Variants in DES observed in about 807,000 individuals in gnomAD.
DES encodes cardiomyopathy, dilated 1F (autosomal dominant).
DES carries 34 observed loss-of-function variants against 55.1 expected under a neutral mutation model. The ratio of observed to expected loss-of-function variants is 0.62; its 90% CI spans 0.47 to 0.82. The LOEUF is 0.82. Ranked by LOEUF, DES falls within the 40% of genes least tolerant of loss-of-function variation. DES has a pLI of 0.00. For synonymous variants in DES, 259 were observed against 270.8 expected, an observed-to-expected ratio of 0.96 and a Z score of 0.43; for missense variants, 596 against 645.9, an observed-to-expected ratio of 0.92 and a Z score of 0.84.
chr2:219,418,906 G>C lies in DES; in HGVS notation c.444G>C (p.Pro148=), dbSNP rs767505861. The C allele has an allele frequency of 1.9e-6, 3 of 1,563,604 alleles. No individual in the cohort carries two copies. The highest frequency in any genetic ancestry group is 2.4e-5 in the East Asian group (1 of 42,282). ...AEVNRLKGRE[P]TRVAELYEEE... is the part of the protein sequence containing the mutation. ...TGAACCGGCTCAAGGGCCGCGAGCC[G>C]ACGCGAGTGGCCGAGCTCTACGAGG... is the stretch of plus-strand genomic sequence containing the variant. The change falls in exon 1 of 9, where the codon CCG becomes CCC. Residue 148 remains proline (P), a synonymous_variant. Coordinates refer to ENST00000373960, the MANE Select transcript of DES (RefSeq NM_001927.4).
At position 219,418,523 on chromosome 2, in the gene DES, G is replaced by GC; in HGVS notation, c.65dup (p.Phe24LeufsTer20). 2 of 1,603,760 alleles carry GC rather than the reference G, an allele frequency of 1.2e-6. No individual in the cohort carries two copies. Among genetic ancestry groups the GC allele is most frequent in the Non-Finnish European group, 1.7e-6 (2 of 1,176,592 alleles). Reference sequence around the variant, plus strand: ...CTCCTACCGCCGCACCTTCGGCGGGGCCCCGGGCTTCCCACTCGGCTCCCC... The same window carrying GC: ...CTCCTACCGCCGCACCTTCGGCGGGGCCCCCGGGCTTCCCACTCGGCTCCCC... On this transcript the variant is annotated frameshift_variant, in exon 1 of 9. Transcript: ENST00000373960. LOFTEE classifies it high-confidence loss of function.
Position 219,420,527 on chromosome 2 carries a change from A to G in DES, c.768A>G (p.Glu256=), listed in dbSNP as rs886044420. The G allele has an allele frequency of 1.2e-6, 2 of 1,613,902 alleles. No individual in the cohort carries two copies. The highest frequency in any genetic ancestry group is 3.3e-4 in the Middle Eastern group (2 of 6,062). The change falls in exon 4 of 9, where the codon GAA becomes GAG. Residue 256 remains glutamate, a synonymous_variant. Coordinates refer to ENST00000373960, the MANE Select transcript of DES (RefSeq NM_001927.4). This position sits in a 1 kb window ranked among gnomAD's most constrained non-coding sequence, Gnocchi z 6.0. ...EIRELQAQLQ[E]QQVQVEMDMS... ...GTGAGTTGCAGGCTCAGCTTCAGGA[A>G]CAGCAGGTCCAGGTGGAGATGGACA...
chr2:219,423,366 G>C (rs940604003), intron 6 of DES, among the ~76,000 whole-genome samples: 1 of 152,122 alleles, frequency 6.6e-6, no homozygotes, highest in African/African-American at 2.4e-5. Context: ...CGTGGGACTG[G>C]GACAGCTGAG....
rs750819338 is a variant in DES, at chr2:219,418,502, T to C, written c.40T>C (p.Tyr14His). The C allele has an allele frequency of 5.8e-5, 93 of 1,602,704 alleles. No homozygotes were observed. The highest frequency in any genetic ancestry group is 7.8e-5 in the Non-Finnish European group (92 of 1,176,980). Residue 14 changes from tyrosine (Y) to histidine (H), a missense_variant, in exon 1 of 9, where the codon TAC (tyrosine) becomes CAC (histidine). Tyr to His is a moderately conservative substitution (Grantham distance 83). Coordinates refer to ENST00000373960, the MANE Select transcript of DES (RefSeq NM_001927.4). ...CTCGTCCAGCCAGCGCGTGTCCTCC[T>C]ACCGCCGCACCTTCGGCGGGGCCCC... ...AYSSSQRVSSYRRTFGGAPGF... is the reference protein window; with the variant it reads ...AYSSSQRVSSHRRTFGGAPGF...
chr2:219,424,029 G>C (rs1331157310), intron 7 of DES, among the ~76,000 whole-genome samples: 8 of 152,350 alleles, frequency 5.3e-5, no homozygotes, highest in African/African-American at 1.9e-4. Flanking sequence ...AGCTTTTTAT[G>C]TGATTATATT....
chr2:219,418,479 C>A lies in DES; in HGVS notation c.17C>A (p.Ser6Ter), dbSNP rs1214936508. 2 of 1,598,490 alleles carry A rather than the reference C, an allele frequency of 1.3e-6. No homozygotes were observed. The highest frequency in any genetic ancestry group is 1.7e-6 in the Non-Finnish European group (2 of 1,177,012). Residue 6 changes from serine to a stop codon, truncating the protein, a stop_gained, in exon 1 of 9, where the codon TCG becomes TAG. Coordinates refer to ENST00000373960, the MANE Select transcript of DES (RefSeq NM_001927.4). LOFTEE classifies it high-confidence loss of function. ...GCCGTCACCATGAGCCAGGCCTACT[C>A]GTCCAGCCAGCGCGTGTCCTCCTAC... is the stretch of plus-strand genomic sequence containing the variant. MSQAY[S>*]SSQRVSSYRR...
In DES at chr2:219,420,319, C is replaced by G; in HGVS notation, c.708C>G (p.Ile236Met). Residue 236 changes from isoleucine (I) to methionine (M), a missense_variant, in exon 3 of 9, where the codon ATC becomes ATG. By Grantham distance (10) the Ile-to-Met change is conservative (BLOSUM62 1). Coordinates refer to ENST00000373960, the MANE Select transcript of DES (RefSeq NM_001927.4). This position sits in a 1 kb window ranked among gnomAD's most constrained non-coding sequence, Gnocchi z 6.0. The part of the protein sequence containing the change: ...ERRIESLNEE[I>M]AFLKKVHEEE... Reference sequence around the variant, plus strand: ...GAATTGAATCTCTCAACGAGGAGATCGCGTTCCTTAAGAAAGTGCATGAAG... The same window carrying G: ...GAATTGAATCTCTCAACGAGGAGATGGCGTTCCTTAAGAAAGTGCATGAAG... 3 of 1,614,124 alleles carry G rather than the reference C, an allele frequency of 1.9e-6. No homozygotes were observed. The highest frequency in any genetic ancestry group is 2.2e-5 in the South Asian group (2 of 91,084).
rs71040455 is a variant in DES at position 219,422,463 on chromosome 2, C to CTTTT, written c.1244+919_1244+922dup. ...GTGGGATAACAGAAATGTTCTATATCTTTTTTTTTTTTTTTTTTTGAGACA... is the reference window on the plus strand; with the variant it reads ...GTGGGATAACAGAAATGTTCTATATCTTTTTTTTTTTTTTTTTTTTTTTGAGACA... On this transcript the variant is annotated intron_variant, in intron 6 of 8. Coordinates refer to ENST00000373960, the MANE Select transcript of DES (RefSeq NM_001927.4). Among the ~76,000 whole-genome samples the CTTTT allele has an allele frequency of 7.2e-4, 74 of 103,488 alleles. 2 individuals carry two copies. Among genetic ancestry groups the CTTTT allele is most frequent in the Non-Finnish European group, 8.5e-4 (48 of 56,170 alleles). 67.9% of individuals were successfully genotyped at this position (103,488 alleles called of 152,430 possible).
Position 219,420,722 on chromosome 2 carries a change from G to A in DES, c.897+66G>A. 1 of 1,613,774 alleles carries A rather than the reference G, an allele frequency of 6.2e-7. No individual in the cohort carries two copies. The highest frequency in any genetic ancestry group is 8.5e-7 in the Non-Finnish European group (1 of 1,179,834). On this transcript the variant is annotated intron_variant, in intron 4 of 8. Coordinates refer to ENST00000373960, the MANE Select transcript of DES (RefSeq NM_001927.4). The surrounding 1 kb of genome is among the most constrained non-coding windows in gnomAD (Gnocchi z 6.0). ...GAATCCCAGCTTGGATGTGCTGCCT[G>A]TGGTACCATCCATGGGAGGAGAGCC...
At position 219,418,525 on chromosome 2, in the gene DES, C is replaced by T. The variant is rs201458068; in HGVS notation, c.63C>T (p.Ala21=). 4.9e-5 allele frequency: 78 copies of T among 1,603,586 alleles called. No homozygotes were observed. The highest frequency in any genetic ancestry group is 6.0e-5 in the Non-Finnish European group (71 of 1,176,514). ...VSSYRRTFGG[A]PGFPLGSPLS... The stretch of plus-strand genomic sequence containing the variant: ...CCTACCGCCGCACCTTCGGCGGGGC[C>T]CCGGGCTTCCCACTCGGCTCCCCGC... Residue 21 remains alanine (A), a synonymous_variant, in exon 1 of 9, where the codon GCC becomes GCT. Transcript: ENST00000373960.
chr2:219,426,046 T>C lies in DES; in HGVS notation c.*56T>C. The C allele has an allele frequency of 1.9e-6, 3 of 1,598,492 alleles. No individual in the cohort carries two copies. The highest frequency in any genetic ancestry group is 2.6e-6 in the Non-Finnish European group (3 of 1,166,986). On this transcript the variant is annotated 3_prime_UTR_variant, in exon 9 of 9. Coordinates refer to ENST00000373960, the MANE Select transcript of DES (RefSeq NM_001927.4). This position sits in a 1 kb window ranked among gnomAD's most constrained non-coding sequence, Gnocchi z 4.5. ...CCTCACCCCTGTCCTCACTGCTCCCTGAAGCCAGCCTTCTTCCATCCCAGG... is the reference window on the plus strand; with the variant it reads ...CCTCACCCCTGTCCTCACTGCTCCCCGAAGCCAGCCTTCTTCCATCCCAGG...
At position 219,423,840 on chromosome 2, in the gene DES, C is replaced by T. The variant is rs200657337; in HGVS notation, c.1288+20C>T. The stretch of plus-strand genomic sequence containing the variant: ...TCCGAGGTGAGTGTCTGCTGGCAGG[C>T]GGAGGCTGGAGTTGCAGGGGCCAGG... On this transcript the variant is annotated intron_variant, in intron 7 of 8. Transcript: ENST00000373960. 58 of 1,613,138 alleles carry T rather than the reference C, an allele frequency of 3.6e-5. No individual in the cohort carries two copies. The African/African-American group carries it at 5.5e-4, about 15-fold the overall frequency.
Position 219,419,976 on chromosome 2 carries a change from C to T in DES, c.579-119C>T, listed in dbSNP as rs112612707. 2.8e-6 allele frequency: 3 copies of T among 1,067,992 alleles called. No individual in the cohort carries two copies. In the African/African-American group the frequency reaches 4.7e-5, roughly 17 times the overall value. 66.2% of individuals were successfully genotyped at this position (1,067,992 alleles called of 1,614,324 possible). On this transcript the variant is annotated intron_variant, in intron 1 of 8. Coordinates refer to ENST00000373960, the MANE Select transcript of DES (RefSeq NM_001927.4). This position sits in a 1 kb window ranked among gnomAD's most constrained non-coding sequence, Gnocchi z 4.3. Reference sequence around the variant, plus strand: ...CACTCCCTGTCTCTCCTGCCTCTACCCAGCAGCCAGGCCCTCCCGCTCTGT... The same window carrying T: ...CACTCCCTGTCTCTCCTGCCTCTACTCAGCAGCCAGGCCCTCCCGCTCTGT...
chr2:219,425,464 C>T (rs1044179925), intron 7 of DES, 199 bp from the exon 8 acceptor site: 10 of 610,780 alleles, frequency 1.6e-5, no homozygotes, highest in East Asian at 2.9e-5. Flanking sequence ...ATGGGACAGG[C>T]GCTGGGGACT....
rs1426155581 is a variant in DES at position 219,419,530 on chromosome 2, G to C, written c.578+490G>C. ...GGCCCTGGGGGAGGTGGGGGGAGGG[G>C]GGAGCTTGGCCCTGGGGCCTTGCCG... is the stretch of plus-strand genomic sequence containing the variant. On this transcript the variant is annotated intron_variant, in intron 1 of 8. Coordinates refer to ENST00000373960, the MANE Select transcript of DES (RefSeq NM_001927.4). This position sits in a 1 kb window ranked among gnomAD's most constrained non-coding sequence, Gnocchi z 4.3. Among the ~76,000 whole-genome samples the C allele has an allele frequency of 6.6e-6, 1 of 152,134 alleles. No homozygotes were observed. The highest frequency in any genetic ancestry group is 1.5e-5 in the Non-Finnish European group (1 of 68,004).
Position 219,420,893 on chromosome 2 carries a change from G to C in DES, c.963G>C (p.Met321Ile). The C allele has an allele frequency of 1.2e-6, 2 of 1,613,928 alleles. No individual in the cohort carries two copies. Among genetic ancestry groups the C allele is most frequent in the Middle Eastern group, 3.3e-4 (2 of 6,062 alleles). ...CCCTGCGCCAGGCCAAGCAGGAGATGATGGAATACCGACACCAGATCCAGT... is the reference window on the plus strand; with the variant it reads ...CCCTGCGCCAGGCCAAGCAGGAGATCATGGAATACCGACACCAGATCCAGT... ...NDALRQAKQEMMEYRHQIQSY... is the reference protein window; with the variant it reads ...NDALRQAKQEIMEYRHQIQSY... The change falls in exon 5 of 9, where the codon ATG (methionine) becomes ATC (isoleucine). Residue 321 changes from methionine to isoleucine, a missense_variant. Physicochemically the swap from Met to Ile is conservative, Grantham distance 10. Transcript: ENST00000373960. This position sits in a 1 kb window ranked among gnomAD's most constrained non-coding sequence, Gnocchi z 6.0.
chr2:219,420,919 C>T lies in DES; in HGVS notation c.989C>T (p.Ser330Phe). Residue 330 changes from serine (S) to phenylalanine (F), a missense_variant, in exon 5 of 9, where the codon TCC becomes TTC. Ser to Phe is a radical substitution (Grantham distance 155). Transcript: ENST00000373960. This position sits in a 1 kb window ranked among gnomAD's most constrained non-coding sequence, Gnocchi z 6.0. ...EMMEYRHQIQ[S>F]YTCEIDALKG... ...ATGGAATACCGACACCAGATCCAGT[C>T]CTACACCTGCGAGATTGACGCCCTG... 6.2e-7 allele frequency: 1 copy of T among 1,613,606 alleles called. No homozygotes were observed. Among genetic ancestry groups the T allele is most frequent in the Non-Finnish European group, 8.5e-7 (1 of 1,179,700 alleles).
Position 219,425,728 on chromosome 2 carries a change from G to A in DES, c.1354G>A (p.Glu452Lys), listed in dbSNP as rs1400200477. ...GAAGACGGTGATGATCAAGACCATCGAGACACGGGATGGGGAGGTAAGTGG... is the reference window on the plus strand; with the variant it reads ...GAAGACGGTGATGATCAAGACCATCAAGACACGGGATGGGGAGGTAAGTGG... The part of the protein sequence containing the change: ...TKKTVMIKTI[E>K]TRDGEVVSEA... Residue 452 changes from glutamate (E) to lysine (K), a missense_variant, in exon 8 of 9, where the codon GAG becomes AAG. Physicochemically the swap from Glu to Lys is moderately conservative, Grantham distance 56. Transcript: ENST00000373960. 2.5e-6 allele frequency: 4 copies of A among 1,603,554 alleles called. No homozygotes were observed. The highest frequency in any genetic ancestry group is 2.2e-5 in the East Asian group (1 of 44,604).
chr2:219,423,708 G>T, intron 6 of DES, 69 bp from the exon 7 acceptor site: 8 of 1,513,852 alleles, frequency 5.3e-6, no homozygotes, highest in Non-Finnish European at 7.3e-6. Flanking sequence ...CAAAGTGCTG[G>T]GATTACAGCT....
Sources: gnomAD v4.1 joint callset for allele counts (sites outside exome capture counted in the v4.1 genomes callset) on GRCh38, gnomAD v4.1.1 for gene constraint, Gnocchi (gnomAD v3.1) non-coding constraint, MANE v1.5 for transcripts, NCBI Gene and HGNC (gene_info 2026-07-23, HGNC 2026-07-21) for gene names.